The following ELAVL3 variants were observed in gnomAD, a reference collection of about 807,000 sequenced individuals.
ELAVL3 encodes the protein ELAV-like protein 3.
ELAVL3 carries 8 observed loss-of-function variants against 34.2 expected under a neutral mutation model. The ratio of observed to expected loss-of-function variants is 0.23; its 90% confidence interval spans 0.14 to 0.42. The LOEUF is 0.42. Among genes scored for constraint, ELAVL3 ranks in the 10% least tolerant of loss-of-function variants. The pLI, the probability that ELAVL3 is intolerant of heterozygous loss-of-function variation, is 1.00. For synonymous variants in ELAVL3, 209 were observed against 222.1 expected (o/e 0.94, Z 0.53); for missense variants, 273 against 518.8 (o/e 0.53, Z 4.60).
chr19:11,471,044 G>C (rs530333977), intron 1 of ELAVL3, among the ~76,000 whole-genome samples: 1 of 152,252 alleles, frequency 6.6e-6, no homozygotes, highest in Non-Finnish European at 1.5e-5. Flanking sequence ...TAGACGCAGT[G>C]GCTCATGCCT....
intron 3 of ELAVL3, among the ~76,000 whole-genome samples, chr19:11,463,180 C>T (rs1970927817): frequency 6.6e-6 from 1 of 152,106 alleles, no homozygotes; most frequent in African/African-American, 2.4e-5. Context: ...TTTTCCATCC[C>T]TCCATGACAT....
chr19:11,470,162 C>T (rs1458966330), intron 1 of ELAVL3, among the ~76,000 whole-genome samples: 1 of 151,888 alleles, frequency 6.6e-6, no homozygotes, highest in Non-Finnish European at 1.5e-5. Flanking sequence ...CAAGACTAGC[C>T]TGGCCAATAT....
chr19:11,451,361 G>A lies in ELAVL3; in HGVS notation c.*3165C>T, dbSNP rs1229659705. ...GAACTTTTATTTTCTGGCATGAAAA[G>A]TACAAATAATTAAACAATTCCATGT... On this transcript the variant is annotated 3_prime_UTR_variant, in exon 7 of 7. Coordinates refer to ENST00000359227, the MANE Select transcript of ELAVL3 (RefSeq NM_001420.4). 3 of 151,826 alleles carry A rather than the reference G, an allele frequency of 2.0e-5. No homozygotes were observed. The highest frequency in any genetic ancestry group is 2.0e-4 in the Admixed American group (3 of 15,240). The allele number at this position is 151,826 out of a possible 1,614,324, so 9.4% of individuals were successfully genotyped here. A position where few individuals can be genotyped will look rare whatever the true frequency, so the allele number is the denominator to read the frequency against.
In ELAVL3 at chr19:11,476,603, G is replaced by A. The variant is rs117232480; in HGVS notation, c.9+3997C>T. 7.5e-3 allele frequency among the ~76,000 whole-genome samples: 1,141 copies of A among 152,034 alleles called. 7 individuals are homozygous for A. The highest frequency in any genetic ancestry group is 0.016 in the South Asian group (76 of 4,818). On this transcript the variant is annotated intron_variant, in intron 1 of 6. Transcript: ENST00000359227. ...CAGAGTTGCATAGGCGGCAAATGGT[G>A]AAACAAGAATTCAGGCTGGGCTTGG... is the stretch of plus-strand genomic sequence containing the variant.
intron 3 of ELAVL3, among the ~76,000 whole-genome samples, chr19:11,461,128 A>G (rs149578732): frequency 2.8e-4 from 43 of 151,998 alleles, no homozygotes; most frequent in Middle Eastern, 6.8e-3. Context: ...GCAGTGAGCT[A>G]TGATCACACC....
At chr19:11,468,090 C>T (rs1942645625) in intron 1 of ELAVL3, among the ~76,000 whole-genome samples, 1 of 152,156 alleles carries the variant, frequency 6.6e-6, no homozygotes, top group Admixed American at 6.6e-5. Context: ...ATGCCTGGCC[C>T]TTTTAGTAGC....
chr19:11,454,869 G>A lies in ELAVL3; in HGVS notation c.761C>T (p.Ser254Leu), dbSNP rs143463189. 1.3e-6 allele frequency: 2 copies of A among 1,597,544 alleles called. No individual in the cohort carries two copies. Among genetic ancestry groups the A allele is most frequent in the South Asian group, 1.1e-5 (1 of 90,698 alleles). Reference protein sequence around the residue: ...NMAYGVKSPLSLIARFSPIAI... With the variant: ...NMAYGVKSPLLLIARFSPIAI... ...GATCGGCGAGAACCTGGCGATGAGCGACAGGGGACTACTTTGGGGGTCACG... is the reference window on the plus strand; with the variant it reads ...GATCGGCGAGAACCTGGCGATGAGCAACAGGGGACTACTTTGGGGGTCACG... The change falls in exon 7 of 7, where the codon TCG becomes TTG. Residue 254 changes from serine to leucine, a missense_variant. Transcript: ENST00000359227. This position sits in a 1 kb window ranked among gnomAD's most constrained non-coding sequence, Gnocchi z 9.2.
chr19:11,462,054 A>G (rs949021126), intron 3 of ELAVL3, among the ~76,000 whole-genome samples: 1 of 151,878 alleles, frequency 6.6e-6, no homozygotes, highest in African/African-American at 2.4e-5. Flanking sequence ...GGGTGCCTGT[A>G]ATCCCAGCTA....
intron 3 of ELAVL3, among the ~76,000 whole-genome samples, chr19:11,464,338 T>A (rs1970965322): frequency 6.6e-6 from 1 of 151,584 alleles, no homozygotes; most frequent in African/African-American, 2.4e-5. Flanking sequence ...TTTAAATTTT[T>A]TTTTTTTAGG....
intron 3 of ELAVL3, among the ~76,000 whole-genome samples, chr19:11,459,829 C>T (rs982380710): frequency 6.6e-6 from 1 of 152,082 alleles, no homozygotes; most frequent in African/African-American, 2.4e-5. Context: ...TCAAGCCATC[C>T]TCCCACCTCA....
At chr19:11,469,097 T>C (rs1420993944) in intron 1 of ELAVL3, among the ~76,000 whole-genome samples, 13 of 152,084 alleles carry the variant, frequency 8.5e-5, no homozygotes, top group Admixed American at 8.5e-4. Flanking sequence ...TTTTTTTTTC[T>C]TTGTATTTTT....
At chr19:11,475,215 T>C (rs555304667) in intron 1 of ELAVL3, among the ~76,000 whole-genome samples, 1 of 152,370 alleles carries the variant, frequency 6.6e-6, no homozygotes, top group African/African-American at 2.4e-5. Flanking sequence ...TATTTTCAGT[T>C]ACTCTCCCAA....
chr19:11,467,858 A>C lies in ELAVL3; in HGVS notation c.10-1031T>G, dbSNP rs113448250. On this transcript the variant is annotated intron_variant, in intron 1 of 6. Transcript: ENST00000359227. ...AGGCTGGAGTGCAGTGGTGCCATGA[A>C]GTCTGACTGCATCCTCGACCTTCCA... 7.7e-3 allele frequency among the ~76,000 whole-genome samples: 1,163 copies of C among 151,930 alleles called. 17 individuals carry two copies. Among genetic ancestry groups the C allele is most frequent in the African/African-American group, 0.026 (1,065 of 41,452 alleles).
At chr19:11,460,394 A>G (rs1157936392) in intron 3 of ELAVL3, among the ~76,000 whole-genome samples, 1 of 144,998 alleles carries the variant, frequency 6.9e-6, no homozygotes, top group African/African-American at 2.6e-5. Flanking sequence ...GCGCCTGTGA[A>G]CACCTGAGCC....
Position 11,451,439 on chromosome 19 carries a change from C to G in ELAVL3, c.*3087G>C, listed in dbSNP as rs907349743. The G allele has an allele frequency of 3.3e-5, 5 of 149,996 alleles. No homozygotes were observed. The highest frequency in any genetic ancestry group is 7.4e-5 in the Non-Finnish European group (5 of 67,784). The allele number at this position is 149,996 out of a possible 1,614,324, so 9.3% of individuals were successfully genotyped here. A position where few individuals can be genotyped will look rare whatever the true frequency, so the allele number is the denominator to read the frequency against. On this transcript the variant is annotated 3_prime_UTR_variant, in exon 7 of 7. Coordinates refer to ENST00000359227, the MANE Select transcript of ELAVL3 (RefSeq NM_001420.4). ...TGATCCCGGTAATAAATAGTCTAAA[C>G]GCAACGCGAAGTGTTCTTGTTGGGT...
rs189304254 is a variant in ELAVL3, at chr19:11,467,199, G to T, written c.10-372C>A. ...GCACTTTGGGAAGCTGAGGCGGGCG[G>T]ATCACCTGAGGTCGGGAGTTCGAGA... On this transcript the variant is annotated intron_variant, in intron 1 of 6. Coordinates refer to ENST00000359227, the MANE Select transcript of ELAVL3 (RefSeq NM_001420.4). Among the ~76,000 whole-genome samples the T allele has an allele frequency of 4.1e-4, 62 of 152,184 alleles. No homozygotes were observed. In the East Asian group the frequency reaches 0.011, roughly 28 times the overall value.
At chr19:11,468,277 T>C (rs1971096064) in intron 1 of ELAVL3, among the ~76,000 whole-genome samples, 1 of 152,196 alleles carries the variant, frequency 6.6e-6, no homozygotes, top group Non-Finnish European at 1.5e-5. Context: ...GCTATTTTGT[T>C]CTTTTGCTTT....
In ELAVL3 at chr19:11,480,331, G is replaced by A; in HGVS notation, c.9+269C>T. 1.0e-5 allele frequency: 4 copies of A among 394,058 alleles called. No homozygotes were observed. The highest frequency in any genetic ancestry group is 1.3e-5 in the Non-Finnish European group (3 of 222,258). 24.4% of individuals were successfully genotyped at this position (394,058 alleles called of 1,614,324 possible). On this transcript the variant is annotated intron_variant, in intron 1 of 6. Coordinates refer to ENST00000359227, the MANE Select transcript of ELAVL3 (RefSeq NM_001420.4). This position sits in a 1 kb window ranked among gnomAD's most constrained non-coding sequence, Gnocchi z 6.8. ...CCTCCCCCATCAGGCCTGCTGGAGAGGGGGCAATCCCGCCTCCAGGGCGGC... is the reference window on the plus strand; with the variant it reads ...CCTCCCCCATCAGGCCTGCTGGAGAAGGGGCAATCCCGCCTCCAGGGCGGC...
chr19:11,452,980 G>C lies in ELAVL3; in HGVS notation c.*1546C>G, dbSNP rs759470826. 1.3e-5 allele frequency: 2 copies of C among 152,278 alleles called. No homozygotes were observed. The highest frequency in any genetic ancestry group is 2.9e-5 in the Non-Finnish European group (2 of 68,072). 9.4% of individuals were successfully genotyped at this position (152,278 alleles called of 1,614,324 possible). A position where few individuals can be genotyped will look rare whatever the true frequency, so the allele number is the denominator to read the frequency against. On this transcript the variant is annotated 3_prime_UTR_variant, in exon 7 of 7. Coordinates refer to ENST00000359227, the MANE Select transcript of ELAVL3 (RefSeq NM_001420.4). ...CCGAAAGGGGATAGGTAGGTGACAAGTGGACGGGAAAGGAGTGTGGGGCTG... is the reference window on the plus strand; with the variant it reads ...CCGAAAGGGGATAGGTAGGTGACAACTGGACGGGAAAGGAGTGTGGGGCTG...
Sources: gnomAD v4.1 joint callset for allele counts (sites outside exome capture counted in the v4.1 genomes callset) on GRCh38, gnomAD v4.1.1 for gene constraint, Gnocchi (gnomAD v3.1) non-coding constraint, MANE v1.5 for transcripts, NCBI Gene and HGNC (gene_info 2026-07-23, HGNC 2026-07-21) for gene names.